ITGB5: variants seen among roughly 807,000 people sequenced by gnomAD.
ITGB5 encodes integrin beta-5.
In ITGB5, 38 loss-of-function variants were observed where a neutral mutation model predicts 84.8. The ratio of observed to expected loss-of-function variants is 0.45; its 90% CI spans 0.35 to 0.59. The LOEUF (loss-of-function observed/expected upper bound fraction) is 0.59, where lower values mean the gene tolerates loss of function less well. Among genes scored for constraint, ITGB5 ranks in the 20% least tolerant of loss-of-function variants. ITGB5 has a pLI of 0.01. For synonymous variants in ITGB5, 393 were observed against 414.4 expected (o/e 0.95, Z 0.63); for missense variants, 905 against 1,034.5 (o/e 0.87, Z 1.72).
At chr3:124,841,726 T>C (rs578115451) in intron 4 of ITGB5, among the ~76,000 whole-genome samples, 175 bp from the exon 5 acceptor site, 1 of 152,340 alleles carries the variant, frequency 6.6e-6, no homozygotes, top group African/African-American at 2.4e-5. Flanking sequence ...ATAGTTCCTG[T>C]TCTCCAAACA....
At chr3:124,882,626 C>A (rs1446539987) in intron 1 of ITGB5, among the ~76,000 whole-genome samples, 3 of 152,172 alleles carry the variant, frequency 2.0e-5, no homozygotes, top group Admixed American at 6.5e-5. Context: ...TGGAGCCTGG[C>A]AGGACTCTGG....
intron 1 of ITGB5, among the ~76,000 whole-genome samples, chr3:124,875,377 T>C (rs1934260110): frequency 6.7e-6 from 1 of 149,290 alleles, no homozygotes; most frequent in East Asian, 2.0e-4. Context: ...CTTGAGAGGC[T>C]GAGGCACGAG....
chr3:124,859,222 CCTTT>C lies in ITGB5; in HGVS notation c.361+16_361+19del. On this transcript the variant is annotated intron_variant, in intron 3 of 14. Coordinates refer to ENST00000296181, the MANE Select transcript of ITGB5 (RefSeq NM_002213.5). ...CCTTCCTGATCCCAGAGCATCCAGC[CCTTT>C]CTGTGGGCAACTCACCGGGCCGGAG... 1 of 1,610,400 alleles carries C rather than the reference CCTTT, an allele frequency of 6.2e-7. No homozygotes were observed. Among genetic ancestry groups the C allele is most frequent in the Non-Finnish European group, 8.5e-7 (1 of 1,177,724 alleles).
chr3:124,762,981 C>T lies in ITGB5; in HGVS notation c.*642G>A, dbSNP rs973428798. On this transcript the variant is annotated 3_prime_UTR_variant, in exon 15 of 15. Coordinates refer to ENST00000296181, the MANE Select transcript of ITGB5 (RefSeq NM_002213.5). Reference sequence around the variant, plus strand: ...AAACACAAATTCTTTTGGTTTTAATCTTTACTTCCAATCCCAAACAATCTT... The same window carrying T: ...AAACACAAATTCTTTTGGTTTTAATTTTTACTTCCAATCCCAAACAATCTT... The T allele has an allele frequency of 1.3e-5, 2 of 152,218 alleles. No individual in the cohort carries two copies. The highest frequency in any genetic ancestry group is 2.9e-5 in the Non-Finnish European group (2 of 68,068). 9.4% of individuals were successfully genotyped at this position (152,218 alleles called of 1,614,324 possible).
At chr3:124,785,718 G>C (rs1329630014) in intron 10 of ITGB5, among the ~76,000 whole-genome samples, 1 of 152,078 alleles carries the variant, frequency 6.6e-6, no homozygotes, top group Admixed American at 6.5e-5. Context: ...ACGAAACGAT[G>C]AGTACCTCAG....
intron 5 of ITGB5, among the ~76,000 whole-genome samples, chr3:124,840,956 G>A (rs986736861): frequency 4.6e-5 from 7 of 152,272 alleles, no homozygotes; most frequent in Middle Eastern, 3.4e-3. Flanking sequence ...GAGCCACCAC[G>A]CCCGGCCTCA....
At chr3:124,844,881 T>C (rs2107598926) in intron 4 of ITGB5, among the ~76,000 whole-genome samples, 1 of 152,352 alleles carries the variant, frequency 6.6e-6, no homozygotes. Flanking sequence ...TGGAATACAC[T>C]GCTTTTATGG....
At chr3:124,776,754 G>A (rs969759863) in intron 10 of ITGB5, among the ~76,000 whole-genome samples, 4 of 152,250 alleles carry the variant, frequency 2.6e-5, no homozygotes, top group Non-Finnish European at 4.4e-5. Context: ...TGGCACAGAG[G>A]CCAGGCGGGT....
chr3:124,789,366 AACTAGACAGGGTTAACAGAACCGCCTCTG>A (rs1559933765), intron 10 of ITGB5, among the ~76,000 whole-genome samples: 487 of 150,324 alleles, frequency 3.2e-3, no homozygotes, highest in African/African-American at 0.011. Context: ...AACTGCCTTT[AACTAGACAGGGTTAACAGAACCGCCTCTG>A]ACTAGACAGG....
chr3:124,865,488 T>C (rs987194461), intron 2 of ITGB5, among the ~76,000 whole-genome samples: 21 of 137,894 alleles, frequency 1.5e-4, no homozygotes, highest in Admixed American at 1.5e-3. Context: ...TTTCTTTTTT[T>C]TTTTTTTTTT....
At chr3:124,823,641 A>AATATATATAAACTATATATAT (rs1441842813) in intron 5 of ITGB5, among the ~76,000 whole-genome samples, 4 of 148,840 alleles carry the variant, frequency 2.7e-5, no homozygotes, top group African/African-American at 9.8e-5. Context: ...ACTATATATA[A>AATATATATAAACTATATATAT]ATATATATAA....
At chr3:124,882,258 T>C (rs1024861261) in intron 1 of ITGB5, among the ~76,000 whole-genome samples, 1 of 152,212 alleles carries the variant, frequency 6.6e-6, no homozygotes, top group African/African-American at 2.4e-5. Context: ...GGGAGAATTC[T>C]ACTTAGGGGA....
In ITGB5 at chr3:124,841,421, C is replaced by T. The variant is rs754885309; in HGVS notation, c.742G>A (p.Gly248Arg). 1.2e-6 allele frequency: 2 copies of T among 1,614,118 alleles called. No homozygotes were observed. The highest frequency in any genetic ancestry group is 1.7e-6 in the Non-Finnish European group (2 of 1,180,042). ...GCCTGGAGTACTGCATCAAAGCCCC[C>T]CTCAGGGGCATCTCGGTTCCGGGAC... is the stretch of plus-strand genomic sequence containing the variant. ...RVSRNRDAPE[G>R]GFDAVLQAAV... Residue 248 changes from glycine to arginine, a missense_variant, in exon 5 of 15, where the codon GGG becomes AGG. Physicochemically the swap from Gly to Arg is moderately radical, Grantham distance 125. Transcript: ENST00000296181.
chr3:124,882,902 G>A (rs1017937664), intron 1 of ITGB5, among the ~76,000 whole-genome samples: 1 of 152,182 alleles, frequency 6.6e-6, no homozygotes, highest in African/African-American at 2.4e-5. Context: ...TTTTCACCAT[G>A]AGGCCCGGGA....
At chr3:124,789,440 C>T (rs1206850823) in intron 10 of ITGB5, among the ~76,000 whole-genome samples, 2 of 137,148 alleles carry the variant, frequency 1.5e-5, no homozygotes, top group African/African-American at 5.6e-5. Context: ...ACAGGGTTAT[C>T]AGAACCGCCT....
intron 1 of ITGB5, among the ~76,000 whole-genome samples, chr3:124,896,173 T>A (rs942429762): frequency 1.3e-5 from 2 of 152,216 alleles, no homozygotes; most frequent in African/African-American, 2.4e-5. Flanking sequence ...ACCTTTCCTC[T>A]TTAAAGGCTG....
upstream of ITGB5, among the ~76,000 whole-genome samples, chr3:124,890,139 A>G (rs546575777): frequency 6.6e-6 from 1 of 151,118 alleles, no homozygotes; most frequent in South Asian, 2.1e-4. Flanking sequence ...CGGGGCGTGG[A>G]GTCCTGGAAA....
At chr3:124,878,415 TACTA>T (rs1416465772) in intron 1 of ITGB5, among the ~76,000 whole-genome samples, 3 of 152,262 alleles carry the variant, frequency 2.0e-5, no homozygotes, top group Non-Finnish European at 4.4e-5. Context: ...CATATAGCAT[TACTA>T]ACTGTTTCTG....
At chr3:124,877,105 G>A (rs1259512652) in intron 1 of ITGB5, among the ~76,000 whole-genome samples, 1 of 151,118 alleles carries the variant, frequency 6.6e-6, no homozygotes, top group East Asian at 1.9e-4. Context: ...CAAGTAGCTG[G>A]GACTCCAGGT....
Sources: gnomAD v4.1 joint callset for allele counts (sites outside exome capture counted in the v4.1 genomes callset) on GRCh38, gnomAD v4.1.1 for gene constraint, MANE v1.5 for transcripts, NCBI Gene and HGNC (gene_info 2026-07-23, HGNC 2026-07-21) for gene names.